AUTS2: variants seen among roughly 807,000 people sequenced by gnomAD.
The protein encoded by AUTS2 is activator of transcription and developmental regulator AUTS2.
Under a neutral mutation model 112.4 loss-of-function variants are expected in AUTS2, and 17 were observed. That is an observed-to-expected ratio of 0.15 (90% CI 0.10 to 0.23). The LOEUF (loss-of-function observed/expected upper bound fraction) is 0.23, where lower values mean the gene tolerates loss of function less well. AUTS2 is among the 10% of genes least tolerant of loss of function. The pLI, the probability that AUTS2 is intolerant of heterozygous loss-of-function variation, is 1.00. For missense variants in AUTS2, 1,510 were observed against 1,701.6 expected, an observed-to-expected ratio of 0.89 and a Z score of 1.98; for synonymous variants, 751 against 702.7, an observed-to-expected ratio of 1.07 and a Z score of -1.09.
intron 2 of AUTS2, among the ~76,000 whole-genome samples, chr7:70,115,082 C>T (rs1454631928): frequency 6.6e-6 from 1 of 152,126 alleles, no homozygotes; most frequent in African/African-American, 2.4e-5. Flanking sequence ...CAGGCTGCTT[C>T]CTCTCAGTCC....
chr7:70,574,787 G>A (rs1177266330), intron 5 of AUTS2, among the ~76,000 whole-genome samples: 1 of 152,086 alleles, frequency 6.6e-6, no homozygotes, highest in Non-Finnish European at 1.5e-5. Flanking sequence ...GGACCTAGAG[G>A]TTTAAATCAC....
chr7:70,376,431 G>T lies in AUTS2; in HGVS notation c.661-59321G>T, dbSNP rs115157399. Among the ~76,000 whole-genome samples, 537 of 151,996 alleles carry T rather than the reference G, an allele frequency of 3.5e-3. 3 individuals are homozygous for T. Among genetic ancestry groups the T allele is most frequent in the African/African-American group, 0.012 (489 of 41,428 alleles). On this transcript the variant is annotated intron_variant, in intron 4 of 18. Transcript: ENST00000342771. ...AAAAACTCATTTTAATTTACAGGTT[G>T]TATAAAAATGGACTGTGGGTGAGAT...
intron 2 of AUTS2, among the ~76,000 whole-genome samples, chr7:69,975,343 G>A (rs1798013249): frequency 6.6e-6 from 1 of 151,940 alleles, no homozygotes; most frequent in Non-Finnish European, 1.5e-5. Context: ...GTATCTTTGA[G>A]CTTATTCTGT....
intron 6 of AUTS2, among the ~76,000 whole-genome samples, chr7:70,740,173 G>A (rs548226343): frequency 5.3e-5 from 8 of 152,276 alleles, no homozygotes; most frequent in East Asian, 1.9e-4. Context: ...TGCCTTTGAC[G>A]AATTTCAGGT....
intron 5 of AUTS2, among the ~76,000 whole-genome samples, chr7:70,621,875 G>T (rs953495800): frequency 2.0e-5 from 2 of 102,318 alleles, no homozygotes; most frequent in African/African-American, 4.0e-5. Flanking sequence ...TGGAGAAATG[G>T]AGTCTCTGTC....
At chr7:70,113,800 C>G (rs926636725) in intron 2 of AUTS2, among the ~76,000 whole-genome samples, 3 of 152,150 alleles carry the variant, frequency 2.0e-5, no homozygotes, top group African/African-American at 4.8e-5. Flanking sequence ...TCTCCATATC[C>G]AAGCTGAAAA....
chr7:69,792,441 A>T (rs554976091), intron 1 of AUTS2, among the ~76,000 whole-genome samples: 1 of 151,912 alleles, frequency 6.6e-6, no homozygotes, highest in Non-Finnish European at 1.5e-5. Context: ...GGGTTTCACC[A>T]TGTTAGCCAG....
intron 10 of AUTS2, among the ~76,000 whole-genome samples, chr7:70,769,877 G>A (rs1166058467): frequency 6.6e-6 from 1 of 152,076 alleles, no homozygotes; most frequent in African/African-American, 2.4e-5. Flanking sequence ...TTTTTAGTCA[G>A]GGGGAGGAAT....
intron 6 of AUTS2, among the ~76,000 whole-genome samples, chr7:70,702,896 C>T (rs10225739): frequency 0.029 from 4,427 of 152,226 alleles, 245 homozygotes; most frequent in African/African-American, 0.099. Context: ...TGAGAATTTC[C>T]GGTGGAACAC....
At chr7:70,248,146 C>G (rs2866275) in intron 4 of AUTS2, among the ~76,000 whole-genome samples, 8 of 152,068 alleles carry the variant, frequency 5.3e-5, no homozygotes, top group African/African-American at 1.7e-4. Flanking sequence ...ATTTTTCATC[C>G]AAGTTCATGA....
intron 1 of AUTS2, among the ~76,000 whole-genome samples, chr7:69,896,840 C>T (rs1794769106): frequency 6.6e-6 from 1 of 152,210 alleles, no homozygotes; most frequent in Non-Finnish European, 1.5e-5. Flanking sequence ...AAGCTGTTCT[C>T]TCTGTTCAGC....
chr7:70,058,501 T>G (rs1802094732), intron 2 of AUTS2, among the ~76,000 whole-genome samples: 1 of 152,174 alleles, frequency 6.6e-6, no homozygotes, highest in Non-Finnish European at 1.5e-5. Flanking sequence ...TCTATGATGA[T>G]TGGAAAGGAG....
At chr7:69,621,459 A>C (rs1793661187) in intron 1 of AUTS2, among the ~76,000 whole-genome samples, 1 of 151,622 alleles carries the variant, frequency 6.6e-6, no homozygotes, top group Non-Finnish European at 1.5e-5. Flanking sequence ...ACCTTATTAC[A>C]GATGAGAAAA....
chr7:70,179,170 G>A (rs940214341), intron 4 of AUTS2, among the ~76,000 whole-genome samples: 16 of 152,158 alleles, frequency 1.1e-4, no homozygotes, highest in African/African-American at 3.9e-4. Flanking sequence ...GCTCATGATC[G>A]GTTGTACCCA....
intron 4 of AUTS2, among the ~76,000 whole-genome samples, chr7:70,187,494 A>C (rs1200760813): frequency 6.6e-6 from 1 of 152,180 alleles, no homozygotes; most frequent in Non-Finnish European, 1.5e-5. Flanking sequence ...ATTATGCTTA[A>C]ATATTTATTT....
chr7:69,857,903 T>C (rs1792805916), intron 1 of AUTS2, among the ~76,000 whole-genome samples: 1 of 152,168 alleles, frequency 6.6e-6, no homozygotes, highest in Non-Finnish European at 1.5e-5. Context: ...ATTAAGGGGA[T>C]ATCCAGCCAA....
intron 2 of AUTS2, among the ~76,000 whole-genome samples, chr7:69,906,479 C>T (rs983973537): frequency 5.3e-5 from 8 of 152,112 alleles, no homozygotes; most frequent in Admixed American, 2.6e-4. Context: ...GCGTGATTCC[C>T]GTGGGAGTTG....
intron 2 of AUTS2, among the ~76,000 whole-genome samples, chr7:69,914,628 G>A (rs907584299): frequency 2.0e-5 from 3 of 151,640 alleles, no homozygotes; most frequent in Admixed American, 6.6e-5. Context: ...GCCAGGAAAA[G>A]CTGACCTAGG....
chr7:70,647,213 C>T (rs1426535129), intron 5 of AUTS2, among the ~76,000 whole-genome samples: 1 of 152,204 alleles, frequency 6.6e-6, no homozygotes, highest in Non-Finnish European at 1.5e-5. Flanking sequence ...TTCCACGTTT[C>T]CCCTCTACTC....
Sources: allele counts gnomAD v4.1 joint callset (sites outside exome capture counted in the v4.1 genomes callset), GRCh38; gene constraint gnomAD v4.1.1; transcripts MANE v1.5; gene names NCBI Gene and HGNC (gene_info 2026-07-23, HGNC 2026-07-21).